The following TAFA1 variants were observed in gnomAD, a reference collection of about 807,000 sequenced individuals.
The protein encoded by TAFA1 is TAFA chemokine like family member 1, also known as chemokine-like protein TAFA-1.
A neutral mutation model predicts 18.5 loss-of-function variants in TAFA1; 4 were observed. The observed-to-expected ratio is 0.22, with a 90% CI of 0.11 to 0.49. The LOEUF is 0.49. TAFA1 is among the 20% of genes least tolerant of loss of function. TAFA1 has a pLI of 0.98. For synonymous variants in TAFA1, 56 were observed against 55.2 expected (o/e 1.01, Z -0.06); for missense variants, 147 against 169.0 (o/e 0.87, Z 0.72).
At chr3:68,271,834 TCTCACACACACACA>T (rs2067680666) in intron 2 of TAFA1, among the ~76,000 whole-genome samples, 1 of 150,456 alleles carries the variant, frequency 6.6e-6, no homozygotes, top group East Asian at 2.0e-4. Context: ...TCTCTCTCTC[TCTCACACACACACA>T]CACACACACA....
chr3:68,132,003 A>G (rs556678786), intron 2 of TAFA1, among the ~76,000 whole-genome samples: 1 of 151,896 alleles, frequency 6.6e-6, no homozygotes, highest in African/African-American at 2.4e-5. Flanking sequence ...TACATTAGGT[A>G]TTTCTCCTAA....
intron 2 of TAFA1, among the ~76,000 whole-genome samples, chr3:68,296,577 A>G (rs1370948968): frequency 1.3e-5 from 2 of 150,458 alleles, no homozygotes; most frequent in Non-Finnish European, 3.0e-5. Context: ...ACTTACTCAA[A>G]AAAAAAAAAG....
intron 3 of TAFA1, among the ~76,000 whole-genome samples, chr3:68,491,586 T>A (rs2072454852): frequency 6.6e-6 from 1 of 151,808 alleles, no homozygotes; most frequent in Non-Finnish European, 1.5e-5. Flanking sequence ...ATATACCTAA[T>A]GTTAAATCAC....
intron 2 of TAFA1, among the ~76,000 whole-genome samples, chr3:68,159,824 G>A (rs79533034): frequency 0.021 from 3,163 of 152,178 alleles, 117 homozygotes; most frequent in African/African-American, 0.071. Context: ...CTAGCACATG[G>A]ACCACCCCCA....
chr3:68,409,064 C>T (rs1298933672), intron 2 of TAFA1, among the ~76,000 whole-genome samples: 1 of 152,116 alleles, frequency 6.6e-6, no homozygotes, highest in Non-Finnish European at 1.5e-5. Flanking sequence ...GATGTAGGCT[C>T]ATACACAGTA....
intron 2 of TAFA1, among the ~76,000 whole-genome samples, chr3:68,218,937 A>G (rs1473566311): frequency 6.6e-6 from 1 of 152,052 alleles, no homozygotes; most frequent in African/African-American, 2.4e-5. Context: ...TCTGAATGTG[A>G]AATCCTTTTG....
intron 3 of TAFA1, among the ~76,000 whole-genome samples, chr3:68,454,655 C>T (rs529715610): frequency 6.6e-6 from 1 of 152,240 alleles, no homozygotes; most frequent in South Asian, 2.1e-4. Flanking sequence ...TGTTGCTGGT[C>T]CATAACAGCT....
intron 2 of TAFA1, among the ~76,000 whole-genome samples, chr3:68,280,456 G>A (rs1054805993): frequency 1.4e-5 from 2 of 145,812 alleles, no homozygotes; most frequent in Admixed American, 6.7e-5. Flanking sequence ...GTGCAGTCTG[G>A]TAAGTGAATT....
chr3:68,023,438 G>A (rs536726887), intron 2 of TAFA1, among the ~76,000 whole-genome samples: 20 of 152,150 alleles, frequency 1.3e-4, no homozygotes, highest in African/African-American at 4.6e-4. Flanking sequence ...CAACTCACTG[G>A]CCAGACCTTG....
chr3:68,510,857 T>A (rs2072835897), intron 3 of TAFA1, among the ~76,000 whole-genome samples: 2 of 152,082 alleles, frequency 1.3e-5, no homozygotes, highest in Admixed American at 1.3e-4. Flanking sequence ...TGCAAAAAAA[T>A]GTAACAGGAA....
intron 3 of TAFA1, among the ~76,000 whole-genome samples, chr3:68,535,761 A>G (rs2073269837): frequency 6.6e-6 from 1 of 152,060 alleles, no homozygotes; most frequent in Admixed American, 6.6e-5. Context: ...TGCCTGGAAG[A>G]CTCAGACCAT....
At chr3:68,115,507 C>G (rs1324773572) in intron 2 of TAFA1, among the ~76,000 whole-genome samples, 1 of 152,170 alleles carries the variant, frequency 6.6e-6, no homozygotes, top group African/African-American at 2.4e-5. Context: ...AAATAATGAG[C>G]CCTAGGATTA....
chr3:68,028,404 A>T (rs904061440), intron 2 of TAFA1, among the ~76,000 whole-genome samples: 20 of 146,378 alleles, frequency 1.4e-4, no homozygotes, highest in Admixed American at 4.2e-4. Context: ...GAACAAAAAG[A>T]TGAAAATAAT....
intron 3 of TAFA1, among the ~76,000 whole-genome samples, chr3:68,520,351 C>T (rs1477752025): frequency 2.0e-5 from 3 of 152,102 alleles, no homozygotes; most frequent in Admixed American, 1.3e-4. Context: ...ATATTAGAAG[C>T]CTTTTCTTTA....
At chr3:68,345,438 T>C (rs1228725647) in intron 2 of TAFA1, among the ~76,000 whole-genome samples, 1 of 151,988 alleles carries the variant, frequency 6.6e-6, no homozygotes, top group African/African-American at 2.4e-5. Flanking sequence ...CCAATGAATA[T>C]AGAAATAGAG....
chr3:68,114,502 C>T (rs954156056), intron 2 of TAFA1, among the ~76,000 whole-genome samples: 1 of 152,188 alleles, frequency 6.6e-6, no homozygotes, highest in Non-Finnish European at 1.5e-5. Flanking sequence ...TGCTCAATCT[C>T]ATTGATCCTT....
chr3:68,488,825 G>T (rs1027544768), intron 3 of TAFA1, among the ~76,000 whole-genome samples: 3 of 152,106 alleles, frequency 2.0e-5, no homozygotes, highest in Admixed American at 2.0e-4. Flanking sequence ...TGGGAAAGCT[G>T]TTTAATTTTT....
At chr3:68,490,853 G>GT (rs2072439191) in intron 3 of TAFA1, among the ~76,000 whole-genome samples, 1 of 138,652 alleles carries the variant, frequency 7.2e-6, no homozygotes, top group Non-Finnish European at 1.6e-5. Context: ...TTTTTTTTGT[G>GT]GGGGGGACAG....
At chr3:68,305,794 A>C (rs1307552257) in intron 2 of TAFA1, among the ~76,000 whole-genome samples, 1 of 152,130 alleles carries the variant, frequency 6.6e-6, no homozygotes, top group Non-Finnish European at 1.5e-5. Flanking sequence ...AAGAGCCAAA[A>C]GGCTGGTTCA....
Sources: gnomAD v4.1 joint callset for allele counts (sites outside exome capture counted in the v4.1 genomes callset) on GRCh38, gnomAD v4.1.1 for gene constraint, MANE v1.5 for transcripts, NCBI Gene and HGNC (gene_info 2026-07-23, HGNC 2026-07-21) for gene names.